Variants in CDC42BPB observed in about 807,000 individuals in gnomAD.
CDC42BPB encodes serine/threonine-protein kinase MRCK beta.
Under a neutral mutation model 214.9 loss-of-function variants are expected in CDC42BPB, and 37 were observed. The observed-to-expected ratio is 0.17, with a 90% CI of 0.13 to 0.23. CDC42BPB has a LOEUF of 0.23. CDC42BPB is among the 10% of genes least tolerant of loss of function. The pLI, the probability that CDC42BPB is intolerant of heterozygous loss-of-function variation, is 1.00. For synonymous variants in CDC42BPB, 931 were observed against 884.0 expected (o/e 1.05, Z -0.94); for missense variants, 1,694 against 2,227.0 (o/e 0.76, Z 4.82).
intron 5 of CDC42BPB, among the ~76,000 whole-genome samples, chr14:102,995,206 C>G (rs1422868356): frequency 6.6e-6 from 1 of 150,862 alleles, no homozygotes. Flanking sequence ...CAGAGTATCG[C>G]TCTTGTTCTC....
chr14:102,940,670 T>G (rs935666204), intron 30 of CDC42BPB: 1 of 353,562 alleles, frequency 2.8e-6, no homozygotes, highest in African/African-American at 2.1e-5. Flanking sequence ...CTCAACACTT[T>G]GGAAATTCAG....
chr14:103,010,172 A>G (rs981139328), intron 2 of CDC42BPB, among the ~76,000 whole-genome samples: 2 of 152,196 alleles, frequency 1.3e-5, no homozygotes, highest in African/African-American at 2.4e-5. Context: ...CTGTAGTCAC[A>G]ACTACTCAGG....
intron 4 of CDC42BPB, among the ~76,000 whole-genome samples, chr14:103,000,595 G>A (rs962586742): frequency 2.0e-5 from 3 of 152,240 alleles, no homozygotes; most frequent in Non-Finnish European, 2.9e-5. Context: ...CACAGGAGCC[G>A]CCTTCCTTGG....
chr14:102,932,461 G>A lies in CDC42BPB; in HGVS notation c.*1251C>T, dbSNP rs1891417539. 6.6e-6 allele frequency: 1 copy of A among 152,322 alleles called. No homozygotes were observed. Among genetic ancestry groups the A allele is most frequent in the Non-Finnish European group, 1.5e-5 (1 of 68,042 alleles). 9.4% of individuals were successfully genotyped at this position (152,322 alleles called of 1,614,324 possible). On this transcript the variant is annotated 3_prime_UTR_variant, in exon 37 of 37. Coordinates refer to ENST00000361246, the MANE Select transcript of CDC42BPB (RefSeq NM_006035.4). ...TCACAATTCAATAATTAATTACAAA[G>A]ACTGAGACTTACATTAAAAAAGTAA...
intron 8 of CDC42BPB, among the ~76,000 whole-genome samples, chr14:102,980,078 C>T (rs1197456090): frequency 6.6e-6 from 1 of 152,240 alleles, no homozygotes; most frequent in Non-Finnish European, 1.5e-5. Flanking sequence ...GAGGCCGCCA[C>T]ACTGCCTATG....
intron 1 of CDC42BPB, among the ~76,000 whole-genome samples, chr14:103,030,467 G>A (rs1358361314): frequency 1.3e-5 from 2 of 152,218 alleles, no homozygotes; most frequent in Admixed American, 6.5e-5. Flanking sequence ...AGACCAAGGT[G>A]TGTGGATCAC....
intron 5 of CDC42BPB, chr14:102,986,815 T>G: frequency 1.3e-6 from 1 of 778,796 alleles, no homozygotes; most frequent in Non-Finnish European, 1.6e-6. Context: ...TGACGATTCC[T>G]ACTCGTCTGC....
intron 5 of CDC42BPB, among the ~76,000 whole-genome samples, chr14:102,991,095 G>C (rs1894469556): frequency 1.3e-5 from 2 of 152,256 alleles, no homozygotes; most frequent in South Asian, 4.1e-4. Context: ...TATTTGCATG[G>C]TCTTAAAAGT....
chr14:102,952,467 C>G (rs769365910), intron 24 of CDC42BPB, 31 bp downstream of exon 24: 3 of 1,447,834 alleles, frequency 2.1e-6, no homozygotes, highest in Non-Finnish European at 2.9e-6. Context: ...GGGCTGTGCA[C>G]GCTGACCCCA....
chr14:102,973,902 G>T, intron 12 of CDC42BPB, 114 bp downstream of exon 12: 1 of 1,315,622 alleles, frequency 7.6e-7, no homozygotes, highest in East Asian at 2.5e-5. Flanking sequence ...GCATGCAGCA[G>T]GGACAGCCCA....
Position 102,944,249 on chromosome 14 carries a change from C to T in CDC42BPB, c.4050G>A (p.Arg1350=). 4 of 1,613,254 alleles carry T rather than the reference C, an allele frequency of 2.5e-6. No individual in the cohort carries two copies. Among genetic ancestry groups the T allele is most frequent in the Non-Finnish European group, 3.4e-6 (4 of 1,180,036 alleles). Residue 1350 remains arginine (R), a synonymous_variant, in exon 30 of 37, where the codon CGG becomes CGA. Transcript: ENST00000361246. The surrounding 1 kb of genome is among the most constrained non-coding windows in gnomAD (Gnocchi z 6.6). ...TCTGGATCTCATAGCAAAGGATCAG[C>T]CGTTTCACGGCCACAAACAGGCAGG... is the stretch of plus-strand genomic sequence containing the variant. ...SGTCLFVAVK[R]LILCYEIQRT...
At chr14:102,935,003 G>C (rs1467744499) in intron 36 of CDC42BPB, among the ~76,000 whole-genome samples, 1 of 142,250 alleles carries the variant, frequency 7.0e-6, no homozygotes, top group Middle Eastern at 3.4e-3. Flanking sequence ...TGTAGAGTGA[G>C]ACTCTGTCTC....
chr14:103,054,210 A>G (rs768955965), intron 1 of CDC42BPB, among the ~76,000 whole-genome samples: 1 of 152,086 alleles, frequency 6.6e-6, no homozygotes, highest in Non-Finnish European at 1.5e-5. Context: ...ATACTTTCCA[A>G]ATTTCCTCAC....
rs34318352 is a variant in CDC42BPB at position 102,975,500 on chromosome 14, G to A, written c.1507+184C>T. ...ATCGCACCACTGCACTCCAGCCTGGGTGACAAAAGTGAAACTCCGTCTAAA... is the reference window on the plus strand; with the variant it reads ...ATCGCACCACTGCACTCCAGCCTGGATGACAAAAGTGAAACTCCGTCTAAA... On this transcript the variant is annotated intron_variant, in intron 11 of 36. Coordinates refer to ENST00000361246, the MANE Select transcript of CDC42BPB (RefSeq NM_006035.4). Among the ~76,000 whole-genome samples the A allele has an allele frequency of 3.3e-5, 5 of 152,126 alleles. No homozygotes were observed. In the East Asian group the frequency reaches 9.6e-4, roughly 29 times the overall value.
At chr14:102,953,105 C>A (rs778571567) in intron 23 of CDC42BPB, among the ~76,000 whole-genome samples, 1 of 152,248 alleles carries the variant, frequency 6.6e-6, no homozygotes, top group Non-Finnish European at 1.5e-5. Flanking sequence ...GTGAACCCAG[C>A]GGCAACTGCA....
intron 21 of CDC42BPB, among the ~76,000 whole-genome samples, chr14:102,957,547 G>C (rs547026563): frequency 6.6e-6 from 1 of 152,358 alleles, no homozygotes; most frequent in South Asian, 2.1e-4. Context: ...GCTTATCAAA[G>C]ATCTGGCGGG....
chr14:102,976,566 G>A (rs965319806), intron 9 of CDC42BPB, among the ~76,000 whole-genome samples: 4 of 152,260 alleles, frequency 2.6e-5, no homozygotes, highest in Admixed American at 6.5e-5. Flanking sequence ...GCACACAGCC[G>A]AGGCACAGGC....
intron 20 of CDC42BPB, among the ~76,000 whole-genome samples, chr14:102,960,071 G>A (rs143226917): frequency 0.01 from 1,594 of 152,158 alleles, 33 homozygotes; most frequent in African/African-American, 0.035. Flanking sequence ...GCTGTGCATG[G>A]TGGTATGTGC....
At chr14:102,958,702 G>A (rs4906277) in intron 21 of CDC42BPB, among the ~76,000 whole-genome samples, 1 of 152,102 alleles carries the variant, frequency 6.6e-6, no homozygotes, top group Non-Finnish European at 1.5e-5. Context: ...GAGGGGGTTG[G>A]CCTCCTTGTG....
Sources: gnomAD v4.1 joint callset for allele counts (sites outside exome capture counted in the v4.1 genomes callset) on GRCh38, gnomAD v4.1.1 for gene constraint, Gnocchi (gnomAD v3.1) non-coding constraint, MANE v1.5 for transcripts, NCBI Gene and HGNC (gene_info 2026-07-23, HGNC 2026-07-21) for gene names.